TMEM135: variants seen among roughly 807,000 people sequenced by gnomAD.
TMEM135 encodes the protein peroxisomal membrane protein 52.
Under a neutral mutation model 60.3 loss-of-function variants are expected in TMEM135, and 30 were observed. The ratio of observed to expected loss-of-function variants is 0.50; its 90% CI spans 0.37 to 0.68. TMEM135 has a LOEUF of 0.68. Among genes scored for constraint, TMEM135 ranks in the 30% least tolerant of loss-of-function variants. TMEM135 has a pLI of 0.00. For synonymous variants in TMEM135, 190 were observed against 186.7 expected (o/e 1.02, Z -0.14); for missense variants, 468 against 548.8 (o/e 0.85, Z 1.47).
intron 5 of TMEM135, among the ~76,000 whole-genome samples, chr11:87,225,358 G>A (rs763427208): frequency 1.3e-5 from 2 of 151,916 alleles, no homozygotes; most frequent in African/African-American, 2.4e-5. Flanking sequence ...TGTATGTTAA[G>A]GACTTCATAT....
intron 5 of TMEM135, chr11:87,178,644 T>A (rs2135299715): frequency 2.6e-6 from 1 of 383,742 alleles, no homozygotes; most frequent in Non-Finnish European, 5.2e-6. Flanking sequence ...CAGGTAAGTC[T>A]TGAACTCCTG....
In TMEM135 at chr11:87,299,632, A is replaced by G. The variant is rs1000428083; in HGVS notation, c.552-2664A>G. Among the ~76,000 whole-genome samples, 7 of 152,230 alleles carry G rather than the reference A, an allele frequency of 4.6e-5. 1 individual carries two copies. The highest frequency in any genetic ancestry group is 3.8e-4 in the East Asian group (2 of 5,200). The stretch of plus-strand genomic sequence containing the variant: ...TTCTGCCCCAGGTCTTGTACTAAGT[A>G]TTAAGAATACACTCGGGAATGAGCC... On this transcript the variant is annotated intron_variant, in intron 7 of 14. Transcript: ENST00000305494.
chr11:87,215,209 T>G (rs1940469403), intron 5 of TMEM135, among the ~76,000 whole-genome samples: 1 of 152,180 alleles, frequency 6.6e-6, no homozygotes, highest in South Asian at 2.1e-4. Context: ...CCTACTGAAT[T>G]GGATAGGGTT....
At chr11:87,282,794 C>T (rs916566178) in intron 6 of TMEM135, among the ~76,000 whole-genome samples, 7 of 152,172 alleles carry the variant, frequency 4.6e-5, no homozygotes, top group Non-Finnish European at 5.9e-5. Flanking sequence ...CACTTAACCT[C>T]CTTGGGCCTT....
At chr11:87,160,987 C>T (rs566205519) in intron 5 of TMEM135, among the ~76,000 whole-genome samples, 107 of 152,244 alleles carry the variant, frequency 7.0e-4, no homozygotes, top group Non-Finnish European at 1.4e-3. Context: ...GCAACCTCTG[C>T]CTCCCAGGTT....
In TMEM135 at chr11:87,276,678, T is replaced by TG. The variant is rs1333251048; in HGVS notation, c.510-19104_510-19103insG. The stretch of plus-strand genomic sequence containing the variant: ...GTGTGTTTGTGAATTTTTTTTTTTT[T>TG]TTTTTTTTGAGATGGAGTCTAGCTT... On this transcript the variant is annotated intron_variant, in intron 6 of 14. Coordinates refer to ENST00000305494, the MANE Select transcript of TMEM135 (RefSeq NM_022918.4). Among the ~76,000 whole-genome samples the TG allele has an allele frequency of 5.0e-4, 74 of 147,028 alleles. No homozygotes were observed. The East Asian group carries it at 0.012, about 23-fold the overall frequency.
chr11:87,226,771 G>A (rs934669593), intron 5 of TMEM135, among the ~76,000 whole-genome samples: 1 of 152,202 alleles, frequency 6.6e-6, no homozygotes, highest in Non-Finnish European at 1.5e-5. Flanking sequence ...TTGCCTGGGT[G>A]TGGTAGTTCA....
intron 6 of TMEM135, among the ~76,000 whole-genome samples, chr11:87,248,606 G>C (rs1941345389): frequency 6.9e-6 from 1 of 145,830 alleles, no homozygotes; most frequent in South Asian, 2.2e-4. Context: ...TTGGTCATTT[G>C]TGGTTCCATA....
chr11:87,129,003 G>GT (rs985875223), intron 4 of TMEM135, among the ~76,000 whole-genome samples: 89 of 123,888 alleles, frequency 7.2e-4, no homozygotes, highest in East Asian at 1.9e-3. Context: ...CAGGTTTAAG[G>GT]TTTTTTTTTT....
chr11:87,284,543 C>A (rs1257065359), intron 6 of TMEM135, among the ~76,000 whole-genome samples: 2 of 152,216 alleles, frequency 1.3e-5, no homozygotes, highest in South Asian at 2.1e-4. Flanking sequence ...GACTTAGAAT[C>A]TCACTTGATT....
chr11:87,252,798 A>ATATGTGTGTGTGTG (rs1555124821), intron 6 of TMEM135, among the ~76,000 whole-genome samples: 76 of 134,230 alleles, frequency 5.7e-4, no homozygotes, highest in Non-Finnish European at 9.9e-4. Flanking sequence ...TAAAATATAT[A>ATATGTGTGTGTGTG]TGTGTGTGTG....
chr11:87,127,693 A>C (rs1231854447), intron 4 of TMEM135, among the ~76,000 whole-genome samples: 2 of 152,204 alleles, frequency 1.3e-5, no homozygotes, highest in Non-Finnish European at 2.9e-5. Context: ...CTTCCTACCT[A>C]CCAGTGTTAG....
rs1194279740 is a variant in TMEM135, at chr11:87,321,407, G to A, written c.*74G>A. The A allele has an allele frequency of 7.2e-6, 11 of 1,536,676 alleles. No individual in the cohort carries two copies. The highest frequency in any genetic ancestry group is 6.7e-5 in the Admixed American group (4 of 59,758). On this transcript the variant is annotated 3_prime_UTR_variant, in exon 15 of 15. Coordinates refer to ENST00000305494, the MANE Select transcript of TMEM135 (RefSeq NM_022918.4). Reference sequence around the variant, plus strand: ...TAATTATGTTGAACACAAAGGAGGGGGCCCAAGCTCGAACTTCAGTGTTAT... The same window carrying A: ...TAATTATGTTGAACACAAAGGAGGGAGCCCAAGCTCGAACTTCAGTGTTAT...
At chr11:87,218,661 G>C (rs1185970821) in intron 5 of TMEM135, among the ~76,000 whole-genome samples, 1 of 152,078 alleles carries the variant, frequency 6.6e-6, no homozygotes, top group Admixed American at 6.5e-5. Flanking sequence ...AACTCACAGG[G>C]CTATAAAAAT....
chr11:87,182,183 C>A (rs143211182), intron 5 of TMEM135, among the ~76,000 whole-genome samples: 1 of 151,936 alleles, frequency 6.6e-6, no homozygotes. Flanking sequence ...ATGAAATGTA[C>A]GTTTTTTAGT....
chr11:87,194,435 T>C (rs1939885652), intron 5 of TMEM135, among the ~76,000 whole-genome samples: 1 of 152,216 alleles, frequency 6.6e-6, no homozygotes, highest in African/African-American at 2.4e-5. Flanking sequence ...AATTCTCTTG[T>C]ACTATCCTGT....
intron 6 of TMEM135, among the ~76,000 whole-genome samples, chr11:87,241,247 A>G (rs1409931338): frequency 6.6e-6 from 1 of 152,108 alleles, no homozygotes; most frequent in Non-Finnish European, 1.5e-5. Context: ...TATTAGAGAT[A>G]ACTTTAGAAG....
At chr11:87,187,793 C>T (rs901420005) in intron 5 of TMEM135, among the ~76,000 whole-genome samples, 3 of 152,180 alleles carry the variant, frequency 2.0e-5, no homozygotes, top group Non-Finnish European at 2.9e-5. Flanking sequence ...CATCCAATTA[C>T]AACAACTTCT....
chr11:87,207,245 C>T (rs1054936992), intron 5 of TMEM135, among the ~76,000 whole-genome samples: 1 of 152,138 alleles, frequency 6.6e-6, no homozygotes, highest in Non-Finnish European at 1.5e-5. Context: ...GGGAAGAATT[C>T]TCAAAGTGGC....
Sources: gnomAD v4.1 joint callset for allele counts (sites outside exome capture counted in the v4.1 genomes callset) on GRCh38, gnomAD v4.1.1 for gene constraint, MANE v1.5 for transcripts, NCBI Gene and HGNC (gene_info 2026-07-23, HGNC 2026-07-21) for gene names.